RELN: variants seen among roughly 807,000 people sequenced by gnomAD.
RELN encodes reelin.
Under a neutral mutation model 427.6 loss-of-function variants are expected in RELN, and 108 were observed. The observed-to-expected ratio is 0.25, with a 90% CI of 0.22 to 0.30. The LOEUF is 0.30. Among genes scored for constraint, RELN ranks in the 10% least tolerant of loss-of-function variants. RELN has a pLI of 1.00. For missense variants in RELN, 3,715 were observed against 4,302.8 expected (o/e 0.86, Z 3.82); for synonymous variants, 1,524 against 1,513.4 (o/e 1.01, Z -0.16).
chr7:103,626,530 C>CA lies in RELN; in HGVS notation c.2702+3409dup, dbSNP rs1832333689. ...CACGCTCGGCTAGTTTGTGTATTTT[C>CA]AGTAGAGATGGCGTTTTACCATGTT... is the stretch of plus-strand genomic sequence containing the variant. On this transcript the variant is annotated intron_variant, in intron 20 of 64. Coordinates refer to ENST00000428762, the MANE Select transcript of RELN (RefSeq NM_005045.4). The surrounding 1 kb of genome is among the most constrained non-coding windows in gnomAD (Gnocchi z 4.4). Among the ~76,000 whole-genome samples the CA allele has an allele frequency of 6.6e-6, 1 of 151,968 alleles. No individual in the cohort carries two copies. Among genetic ancestry groups the CA allele is most frequent in the South Asian group, 2.1e-4 (1 of 4,816 alleles).
At chr7:103,768,654 A>G (rs972349503) in intron 4 of RELN, among the ~76,000 whole-genome samples, 5 of 152,214 alleles carry the variant, frequency 3.3e-5, no homozygotes, top group African/African-American at 1.2e-4. Flanking sequence ...GTTGCATGCC[A>G]AACATGATTA....
At chr7:103,752,880 T>C (rs926905491) in intron 5 of RELN, among the ~76,000 whole-genome samples, 2 of 152,212 alleles carry the variant, frequency 1.3e-5, no homozygotes, top group Non-Finnish European at 2.9e-5. Context: ...TCTAGTATTA[T>C]GAGGGACTCT....
chr7:103,759,294 G>A (rs374473898), intron 4 of RELN, among the ~76,000 whole-genome samples: 2 of 152,068 alleles, frequency 1.3e-5, no homozygotes, highest in African/African-American at 2.4e-5. Flanking sequence ...GAATGATTAC[G>A]TGGAACAGTC....
intron 1 of RELN, among the ~76,000 whole-genome samples, chr7:103,948,744 C>T (rs6975369): frequency 0.76 from 115,616 of 151,958 alleles, 44,494 homozygotes; most frequent in Non-Finnish European, 0.81. Flanking sequence ...CCACGCAACA[C>T]GGTTGATGTC....
At chr7:103,536,870 C>T (rs1830063844) in intron 45 of RELN, among the ~76,000 whole-genome samples, 1 of 152,130 alleles carries the variant, frequency 6.6e-6, no homozygotes, top group Admixed American at 6.5e-5. Context: ...GTCTACGGAG[C>T]CTGGCACGTG....
At chr7:103,728,074 T>C (rs762601867) in intron 7 of RELN, 37 bp downstream of exon 7, 180 of 1,599,356 alleles carry the variant, frequency 1.1e-4, no homozygotes, top group Non-Finnish European at 1.4e-4. Flanking sequence ...CAGTAAATAC[T>C]ATAATGGAAT....
chr7:103,859,708 G>C (rs1794028620), intron 2 of RELN, among the ~76,000 whole-genome samples: 1 of 152,090 alleles, frequency 6.6e-6, no homozygotes, highest in African/African-American at 2.4e-5. Context: ...ATTCCCCATA[G>C]TGAAACAACT....
At chr7:103,931,435 T>C (rs1795863137) in intron 1 of RELN, among the ~76,000 whole-genome samples, 1 of 152,150 alleles carries the variant, frequency 6.6e-6, no homozygotes, top group Non-Finnish European at 1.5e-5. Flanking sequence ...ACATTCTATC[T>C]CAAAATAGTT....
intron 1 of RELN, among the ~76,000 whole-genome samples, chr7:103,922,698 C>G (rs7792066): frequency 6.6e-6 from 1 of 151,818 alleles, no homozygotes; most frequent in Non-Finnish European, 1.5e-5. Flanking sequence ...ACATTCCCCA[C>G]GAGACCCTAA....
At chr7:103,683,088 A>G (rs1224303266) in intron 10 of RELN, among the ~76,000 whole-genome samples, 1 of 152,180 alleles carries the variant, frequency 6.6e-6, no homozygotes, top group Non-Finnish European at 1.5e-5. Context: ...GGGAAGCTAA[A>G]ACAATAAAAA....
intron 8 of RELN, among the ~76,000 whole-genome samples, chr7:103,712,441 AT>A (rs985828333): frequency 2.3e-4 from 35 of 152,188 alleles, no homozygotes; most frequent in African/African-American, 8.4e-4. Flanking sequence ...CTCCCTTGGA[AT>A]AACAGCCATA....
chr7:103,908,234 G>T (rs890042734), intron 2 of RELN, among the ~76,000 whole-genome samples: 1 of 152,122 alleles, frequency 6.6e-6, no homozygotes, highest in Admixed American at 6.6e-5. Context: ...CAAAATTAAA[G>T]TGAACTTCTC....
At chr7:103,955,621 T>A (rs907088991) in intron 1 of RELN, among the ~76,000 whole-genome samples, 1 of 152,188 alleles carries the variant, frequency 6.6e-6, no homozygotes, top group Non-Finnish European at 1.5e-5. Flanking sequence ...CTATTAGATG[T>A]AGGATAGTGT....
At chr7:103,819,430 T>C (rs1038365910) in intron 3 of RELN, among the ~76,000 whole-genome samples, 5 of 152,114 alleles carry the variant, frequency 3.3e-5, no homozygotes, top group Admixed American at 6.6e-5. Flanking sequence ...GGGGTAAGTA[T>C]ATATTCCAGA....
intron 6 of RELN, among the ~76,000 whole-genome samples, chr7:103,746,162 G>A (rs983659315): frequency 1.3e-5 from 2 of 152,004 alleles, no homozygotes; most frequent in African/African-American, 2.4e-5. Flanking sequence ...AACAAGCAAT[G>A]GGGAAAGAAT....
chr7:103,686,104 C>G (rs1262847324), intron 10 of RELN, among the ~76,000 whole-genome samples: 2 of 152,112 alleles, frequency 1.3e-5, no homozygotes, highest in Admixed American at 6.6e-5. Flanking sequence ...GCATCTGTAG[C>G]CTTACCATTT....
chr7:103,730,920 T>TAATGG (rs768157374), intron 6 of RELN, among the ~76,000 whole-genome samples: 3 of 152,150 alleles, frequency 2.0e-5, no homozygotes, highest in Non-Finnish European at 4.4e-5. Flanking sequence ...TCCATTCTTG[T>TAATGG]ATTTAACAAA....
intron 15 of RELN, 95 bp downstream of exon 15, chr7:103,651,566 A>C: frequency 8.0e-7 from 1 of 1,256,194 alleles, no homozygotes; most frequent in South Asian, 1.2e-5. Flanking sequence ...TTTCTTACCT[A>C]TTATGACAAA....
chr7:103,823,920 T>C (rs1345197002), intron 3 of RELN, among the ~76,000 whole-genome samples: 1 of 152,148 alleles, frequency 6.6e-6, no homozygotes, highest in Non-Finnish European at 1.5e-5. Flanking sequence ...CACACTTGAC[T>C]GATAATTTAT....
Sources: gnomAD v4.1 joint callset for allele counts (sites outside exome capture counted in the v4.1 genomes callset) on GRCh38, gnomAD v4.1.1 for gene constraint, Gnocchi (gnomAD v3.1) non-coding constraint, MANE v1.5 for transcripts, NCBI Gene and HGNC (gene_info 2026-07-23, HGNC 2026-07-21) for gene names.